SNX31: variants seen among roughly 807,000 people sequenced by gnomAD.
SNX31 encodes the protein sorting nexin 31.
In SNX31, 58 loss-of-function variants were observed where a neutral mutation model predicts 65.4. That is an observed-to-expected ratio of 0.89 (90% CI 0.72 to 1.10). SNX31 has a LOEUF of 1.10. SNX31 is among the 50% of genes least tolerant of loss of function. SNX31 has a pLI of 0.00. For synonymous variants in SNX31, 181 were observed against 190.1 expected (o/e 0.95, Z 0.39); for missense variants, 523 against 529.7 (o/e 0.99, Z 0.12).
chr8:100,647,573 T>A (rs886985020), intron 2 of SNX31, among the ~76,000 whole-genome samples: 1 of 152,206 alleles, frequency 6.6e-6, no homozygotes, highest in African/African-American at 2.4e-5. Flanking sequence ...GCATATATTA[T>A]GTACCAGGCT....
rs2130776083 is a variant in SNX31 at position 100,578,685 on chromosome 8, T to TTTTAC, written c.1171-1611_1171-1610insGTAAA. ...CATATTTAAGCCTATTTCAATGATT[T>TTTTAC]TTTATTTTATTTTATTTTATTTTAT... On this transcript the variant is annotated intron_variant, in intron 12 of 13. Transcript: ENST00000311812. The surrounding 1 kb of genome is among the most constrained non-coding windows in gnomAD (Gnocchi z 4.7). Among the ~76,000 whole-genome samples the TTTTAC allele has an allele frequency of 1.2e-5, 1 of 81,440 alleles. No individual in the cohort carries two copies. The highest frequency in any genetic ancestry group is 2.2e-5 in the Non-Finnish European group (1 of 44,674). 53.4% of individuals were successfully genotyped at this position (81,440 alleles called of 152,430 possible). A position where few individuals can be genotyped will look rare whatever the true frequency, so the allele number is the denominator to read the frequency against.
In SNX31 at chr8:100,604,610, C is replaced by A. The variant is rs566583508; in HGVS notation, c.681+3884G>T. Among the ~76,000 whole-genome samples, 117 of 152,368 alleles carry A rather than the reference C, an allele frequency of 7.7e-4. No individual in the cohort carries two copies. Among genetic ancestry groups the A allele is most frequent in the Non-Finnish European group, 1.4e-3 (97 of 68,046 alleles). ...TTTCTAATTTGCATCACTGTCCAGG[C>A]CAGCAATGGCCCCGCTGAAATGCAG... On this transcript the variant is annotated intron_variant, in intron 8 of 13. Transcript: ENST00000311812. This position sits in a 1 kb window ranked among gnomAD's most constrained non-coding sequence, Gnocchi z 4.3.
At chr8:100,633,513 C>A (rs7014756) in intron 3 of SNX31, among the ~76,000 whole-genome samples, 23,800 of 151,962 alleles carry the variant, frequency 0.16, 2,115 homozygotes, top group South Asian at 0.25. Flanking sequence ...AAGTGATTCT[C>A]CTGCCTTAGC....
At position 100,588,478 on chromosome 8, in the gene SNX31, C is replaced by T. The variant is rs971539544; in HGVS notation, c.1092+388G>A. 1.9e-4 allele frequency among the ~76,000 whole-genome samples: 29 copies of T among 152,332 alleles called. No individual in the cohort carries two copies. The highest frequency in any genetic ancestry group is 1.9e-3 in the Admixed American group (29 of 15,302). On this transcript the variant is annotated intron_variant, in intron 11 of 13. Transcript: ENST00000311812. This position sits in a 1 kb window ranked among gnomAD's most constrained non-coding sequence, Gnocchi z 4.8. ...TTCTATAAATAAAGTTTTATTGGAACATAGCCAGACTCACTTGTTTATATA... is the reference window on the plus strand; with the variant it reads ...TTCTATAAATAAAGTTTTATTGGAATATAGCCAGACTCACTTGTTTATATA...
At chr8:100,601,075 AAT>A (rs1453093834) in intron 8 of SNX31, among the ~76,000 whole-genome samples, 1 of 152,236 alleles carries the variant, frequency 6.6e-6, no homozygotes, top group Non-Finnish European at 1.5e-5. Context: ...TATTGGAAAA[AAT>A]ATATTGATAA....
intron 10 of SNX31, among the ~76,000 whole-genome samples, 175 bp downstream of exon 10, chr8:100,596,464 C>T (rs933160790): frequency 2.0e-5 from 3 of 152,140 alleles, no homozygotes; most frequent in Non-Finnish European, 4.4e-5. Context: ...GGGTGGGGAA[C>T]GTGCATCAGA....
At chr8:100,603,863 G>A (rs557711777) in intron 8 of SNX31, among the ~76,000 whole-genome samples, 1 of 151,256 alleles carries the variant, frequency 6.6e-6, no homozygotes, top group Admixed American at 6.6e-5. Flanking sequence ...CCAGCCTCCC[G>A]AGTAGCTGGG....
intron 1 of SNX31, among the ~76,000 whole-genome samples, chr8:100,662,269 G>A (rs1401391576): frequency 1.3e-5 from 2 of 152,214 alleles, no homozygotes; most frequent in Non-Finnish European, 2.9e-5. Context: ...TATGAACCCA[G>A]ACAGTGTGAT....
Position 100,609,096 on chromosome 8 carries a change from G to C in SNX31, c.612-533C>G, listed in dbSNP as rs906030545. Among the ~76,000 whole-genome samples the C allele has an allele frequency of 3.3e-5, 5 of 152,258 alleles. No homozygotes were observed. Among genetic ancestry groups the C allele is most frequent in the Admixed American group, 2.6e-4 (4 of 15,302 alleles). On this transcript the variant is annotated intron_variant, in intron 7 of 13. Coordinates refer to ENST00000311812, the MANE Select transcript of SNX31 (RefSeq NM_152628.4). This position sits in a 1 kb window ranked among gnomAD's most constrained non-coding sequence, Gnocchi z 4.9. Reference sequence around the variant, plus strand: ...CAGACTCTCATTGTTCCTGGAGTTAGATATTTATTCTACTCACTTTCAAGG... The same window carrying C: ...CAGACTCTCATTGTTCCTGGAGTTACATATTTATTCTACTCACTTTCAAGG...
intron 12 of SNX31, among the ~76,000 whole-genome samples, chr8:100,580,077 G>C (rs1813359290): frequency 6.6e-6 from 1 of 151,332 alleles, no homozygotes; most frequent in South Asian, 2.1e-4. Context: ...GGGGATGATG[G>C]CTTTAACTTG....
At chr8:100,596,563 C>G (rs774041301) in intron 10 of SNX31, 76 bp downstream of exon 10, 1 of 1,242,140 alleles carries the variant, frequency 8.1e-7, no homozygotes, top group South Asian at 1.2e-5. Context: ...AAACCTGTCT[C>G]CCTAGTGTCA....
upstream of SNX31, among the ~76,000 whole-genome samples, chr8:100,651,687 A>G (rs7814074): frequency 0.37 from 56,799 of 152,150 alleles, 11,093 homozygotes; most frequent in East Asian, 0.5. Flanking sequence ...AGAGAAGTAT[A>G]ATAATGGTAG....
chr8:100,637,727 G>A (rs150310912), intron 2 of SNX31, among the ~76,000 whole-genome samples: 13,706 of 151,950 alleles, frequency 0.09, 713 homozygotes, highest in African/African-American at 0.1. Flanking sequence ...ACAGAGTCTC[G>A]CTCTGTCGCC....
intron 3 of SNX31, among the ~76,000 whole-genome samples, chr8:100,635,390 C>T (rs1318437846): frequency 2.0e-5 from 3 of 151,254 alleles, no homozygotes; most frequent in Non-Finnish European, 4.4e-5. Context: ...TAGGCATGCA[C>T]CATCATACCT....
chr8:100,596,833 G>C lies in SNX31; in HGVS notation c.784C>G (p.Leu262Val), dbSNP rs747565667. ...CCATAGTGCCGTACCTCCCGGGCCA[G>C]CTCCAAAAACTGCTCCAAAGAGGGT... ...KEDSQTKFLE[L>V]AREVRHYGYL... Residue 262 changes from leucine to valine, a missense_variant, in exon 10 of 14, where the codon CTG becomes GTG. Transcript: ENST00000311812. 1.9e-6 allele frequency: 3 copies of C among 1,613,572 alleles called. No individual in the cohort carries two copies. In the South Asian group the frequency reaches 3.3e-5, roughly 18 times the overall value.
In SNX31 at chr8:100,630,594, A is replaced by C. The variant is rs1446418661; in HGVS notation, c.257-203T>G. Among the ~76,000 whole-genome samples the C allele has an allele frequency of 3.3e-5, 5 of 152,154 alleles. No homozygotes were observed. The highest frequency in any genetic ancestry group is 5.9e-5 in the Non-Finnish European group (4 of 68,030). On this transcript the variant is annotated intron_variant, in intron 3 of 13. Transcript: ENST00000311812. The surrounding 1 kb of genome is among the most constrained non-coding windows in gnomAD (Gnocchi z 5.3). ...AGCCTTAACAACAGGAACCCATGAC[A>C]CCCATCCAGGGTGACAGTGTTCCCA...
At chr8:100,602,133 G>C (rs1815698648) in intron 8 of SNX31, among the ~76,000 whole-genome samples, 1 of 152,222 alleles carries the variant, frequency 6.6e-6, no homozygotes, top group Non-Finnish European at 1.5e-5. Flanking sequence ...GCCTTGCCCA[G>C]TGTCTTACAT....
chr8:100,631,492 C>G (rs1818415346), intron 3 of SNX31, among the ~76,000 whole-genome samples: 1 of 143,308 alleles, frequency 7.0e-6, no homozygotes, highest in South Asian at 2.2e-4. Context: ...GGCTGGGGTG[C>G]AATGGCGTGA....
intron 8 of SNX31, among the ~76,000 whole-genome samples, chr8:100,603,888 C>T (rs1815895663): frequency 6.6e-6 from 1 of 152,144 alleles, no homozygotes; most frequent in Non-Finnish European, 1.5e-5. Context: ...CAGGCATGTG[C>T]CACCACACCT....
Sources: allele counts gnomAD v4.1 joint callset (sites outside exome capture counted in the v4.1 genomes callset), GRCh38; gene constraint gnomAD v4.1.1; non-coding constraint Gnocchi (gnomAD v3.1); transcripts MANE v1.5; gene names NCBI Gene and HGNC (gene_info 2026-07-23, HGNC 2026-07-21).